The following NDUFAF7 variants were observed in gnomAD, a reference collection of about 807,000 sequenced individuals.
NDUFAF7 encodes protein arginine methyltransferase NDUFAF7, mitochondrial.
In NDUFAF7, 48 loss-of-function variants were observed where a neutral mutation model predicts 47.2. The observed-to-expected ratio is 1.02, with a 90% CI of 0.81 to 1.29. The LOEUF is 1.29. Among genes scored for constraint, NDUFAF7 ranks in the 50% most tolerant of loss-of-function variants. The probability of loss-of-function intolerance (pLI) is 0.00; values close to 1 mark genes in which losing one functional copy is unlikely to be tolerated. For missense variants in NDUFAF7, 635 were observed against 537.6 expected (o/e 1.18, Z -1.79); for synonymous variants, 217 against 190.0 (o/e 1.14, Z -1.17).
chr2:37,268,416 A>T, the NDUFAF7 span: 1 of 462,246 alleles, frequency 2.2e-6, no homozygotes, highest in Non-Finnish European at 4.5e-6. Context: ...TGCAGAGTCA[A>T]CACATTTTCT....
intron 1 of NDUFAF7, 104 bp downstream of exon 1, chr2:37,231,864 C>A: frequency 6.3e-7 from 1 of 1,585,284 alleles, no homozygotes; most frequent in Non-Finnish European, 8.6e-7. Flanking sequence ...CTCGGGGGCT[C>A]ACTTCCACCT....
At chr2:37,233,342 G>A (rs552174225) in intron 2 of NDUFAF7, among the ~76,000 whole-genome samples, 193 of 152,316 alleles carry the variant, frequency 1.3e-3, no homozygotes, top group African/African-American at 4.6e-3. Context: ...AGAGTCTGGC[G>A]TTCAGGGCCG....
At chr2:37,268,455 G>C in the NDUFAF7 span, 1 of 417,954 alleles carries the variant, frequency 2.4e-6, no homozygotes, top group Non-Finnish European at 4.8e-6. Context: ...ACAATACTAG[G>C]TGCTAGGAAT....
In NDUFAF7 at chr2:37,231,712, G is replaced by A; in HGVS notation, c.7G>A (p.Val3Ile). Residue 3 changes from valine to isoleucine, a missense_variant, in exon 1 of 10, where the codon GTA becomes ATA. Physicochemically the swap from Val to Ile is conservative, Grantham distance 29 (BLOSUM62 3). Transcript: ENST00000002125. ...CTAGCCTGCGAATTTCAGCATGAGT[G>A]TACTGCTGAGGTCAGGTTTGGGGCC... MS[V>I]LLRSGLGPLC... is the part of the protein sequence containing the mutation. 1 of 1,614,250 alleles carries A rather than the reference G, an allele frequency of 6.2e-7. No homozygotes were observed. Among genetic ancestry groups the A allele is most frequent in the Non-Finnish European group, 8.5e-7 (1 of 1,180,040 alleles).
At chr2:37,232,368 T>C in intron 2 of NDUFAF7, 102 bp downstream of exon 2, 1 of 1,482,518 alleles carries the variant, frequency 6.7e-7, no homozygotes, top group East Asian at 2.3e-5. Context: ...GCAGTGGGGG[T>C]GCCTGCCAGG....
chr2:37,257,213 C>G (rs1668021811), downstream of NDUFAF7, among the ~76,000 whole-genome samples: 1 of 152,072 alleles, frequency 6.6e-6, no homozygotes, highest in Admixed American at 6.6e-5. Flanking sequence ...TATAAGTGTT[C>G]TGATTTCTTA....
At chr2:37,244,052 G>A (rs776856086) in intron 7 of NDUFAF7, 79 bp downstream of exon 7, 59 of 1,222,316 alleles carry the variant, frequency 4.8e-5, no homozygotes, top group Non-Finnish European at 6.7e-5. Context: ...CTACTTTAGA[G>A]TTTTAGAGTT....
chr2:37,248,080 G>GT, intron 9 of NDUFAF7, 55 bp from the exon 10 acceptor site: 2 of 1,386,174 alleles, frequency 1.4e-6, no homozygotes, highest in Non-Finnish European at 1.0e-6. Flanking sequence ...ATTGCTGCAT[G>GT]TAACTAGGAA....
chr2:37,256,476 A>T (rs553918869), downstream of NDUFAF7, among the ~76,000 whole-genome samples: 10 of 152,152 alleles, frequency 6.6e-5, no homozygotes, highest in Admixed American at 1.3e-4. Flanking sequence ...TATACAGAAG[A>T]CACAGATAAA....
At chr2:37,264,522 G>A in the NDUFAF7 span, among the ~76,000 whole-genome samples, 1 of 151,634 alleles carries the variant, frequency 6.6e-6, no homozygotes, top group Admixed American at 6.6e-5. Context: ...GGGGAGTGGA[G>A]GGGTGGGAGG....
At chr2:37,271,189 A>G in the NDUFAF7 span, among the ~76,000 whole-genome samples, 2 of 152,218 alleles carry the variant, frequency 1.3e-5, no homozygotes, top group Non-Finnish European at 2.9e-5. Context: ...GAAATTATAT[A>G]TAACAATTTA....
downstream of NDUFAF7, chr2:37,249,180 T>C (rs1471566481): frequency 6.6e-6 from 1 of 152,192 alleles, no homozygotes; most frequent in African/African-American, 2.4e-5. Flanking sequence ...GTACACTGGT[T>C]GTTTTCTGTG....
downstream of NDUFAF7, among the ~76,000 whole-genome samples, chr2:37,258,338 T>C (rs1025677507): frequency 1.3e-5 from 2 of 152,236 alleles, no homozygotes; most frequent in African/African-American, 4.8e-5. Flanking sequence ...GTACGAATAC[T>C]GAGCCTGAAG....
chr2:37,269,739 C>A, the NDUFAF7 span: 1 of 1,282,902 alleles, frequency 7.8e-7, no homozygotes, highest in South Asian at 1.3e-5. Context: ...AATACAATGT[C>A]AACATCTCTG....
the NDUFAF7 span, chr2:37,267,366 A>G: frequency 2.1e-3 from 2,237 of 1,077,100 alleles, 5 homozygotes; most frequent in Non-Finnish European, 2.7e-3. Flanking sequence ...AAAAAAAGAG[A>G]AGCAGTTAAT....
At chr2:37,254,174 T>C (rs553958877), downstream of NDUFAF7, 37 of 1,513,732 alleles carry the variant, frequency 2.4e-5, no homozygotes, top group African/African-American at 6.9e-5. Context: ...CAAATGAGGA[T>C]TGCCAAAGAG....
chr2:37,232,004 GAGGTTA>G, intron 1 of NDUFAF7, 96 bp from the exon 2 acceptor site: 2 of 1,605,076 alleles, frequency 1.2e-6, no homozygotes, highest in Non-Finnish European at 1.7e-6. Context: ...GCGGTGGGGC[GAGGTTA>G]AGGGTTCACG....
the NDUFAF7 span, chr2:37,269,357 T>C: frequency 2.2e-6 from 1 of 445,744 alleles, no homozygotes; most frequent in Non-Finnish European, 4.1e-6. Context: ...CCGACAAACA[T>C]CTGTATGTGT....
intron 4 of NDUFAF7, 138 bp from the exon 5 acceptor site, chr2:37,241,440 G>C: frequency 1.4e-6 from 1 of 712,088 alleles, no homozygotes; most frequent in Non-Finnish European, 2.4e-6. Flanking sequence ...TAGACTGCTG[G>C]AGAGTGGCTT....
Sources: gnomAD v4.1 joint callset for allele counts (sites outside exome capture counted in the v4.1 genomes callset) on GRCh38, gnomAD v4.1.1 for gene constraint, MANE v1.5 for transcripts, NCBI Gene and HGNC (gene_info 2026-07-23, HGNC 2026-07-21) for gene names.